Variants in FAM83F observed in about 807,000 individuals in gnomAD.
The protein encoded by FAM83F is protein FAM83F.
A neutral mutation model predicts 42.9 loss-of-function variants in FAM83F; 45 were observed. The observed-to-expected ratio is 1.05, with a 90% confidence interval of 0.83 to 1.35. FAM83F has a LOEUF of 1.35. FAM83F is among the 40% of genes most tolerant of loss of function. The pLI is 0.00. For synonymous variants in FAM83F, 306 were observed against 298.3 expected (o/e 1.03, Z -0.27); for missense variants, 617 against 695.9 (o/e 0.89, Z 1.28).
chr22:40,005,736 G>A (rs572704401), intron 1 of FAM83F, among the ~76,000 whole-genome samples: 25 of 152,364 alleles, frequency 1.6e-4, no homozygotes, highest in African/African-American at 5.1e-4. Context: ...CCACACTGAG[G>A]TAGAGGGCTC....
At chr22:40,024,956 C>T (rs1046517420) in intron 4 of FAM83F, among the ~76,000 whole-genome samples, 14 of 152,146 alleles carry the variant, frequency 9.2e-5, no homozygotes, top group African/African-American at 3.4e-4. Context: ...TCAAGGCTCA[C>T]GGCGCACTCT....
At chr22:40,010,355 T>A (rs1345461734) in intron 1 of FAM83F, among the ~76,000 whole-genome samples, 1 of 152,190 alleles carries the variant, frequency 6.6e-6, no homozygotes, top group Non-Finnish European at 1.5e-5. Flanking sequence ...CGGAGCTGAA[T>A]GTCAAAGCAG....
chr22:40,014,104 C>G lies in FAM83F; in HGVS notation c.490-5064C>G, dbSNP rs1399892925. 2.1e-5 allele frequency among the ~76,000 whole-genome samples: 3 copies of G among 141,940 alleles called. No individual in the cohort carries two copies. The East Asian group carries it at 5.9e-4, about 28-fold the overall frequency. 93.1% of individuals were successfully genotyped at this position (141,940 alleles called of 152,430 possible). ...TTAAATACTGGTAGTTTTGTCTTCTCTAATCCTTATGTCTCTTATTTCTTT... is the reference window on the plus strand; with the variant it reads ...TTAAATACTGGTAGTTTTGTCTTCTGTAATCCTTATGTCTCTTATTTCTTT... On this transcript the variant is annotated intron_variant, in intron 1 of 4. Transcript: ENST00000333407.
chr22:40,019,609 C>A (rs1303900446), intron 2 of FAM83F, among the ~76,000 whole-genome samples: 1 of 152,202 alleles, frequency 6.6e-6, no homozygotes, highest in Admixed American at 6.5e-5. Flanking sequence ...TGCAGAATCA[C>A]TGATGTCAAA....
intron 1 of FAM83F, among the ~76,000 whole-genome samples, chr22:40,002,275 T>C (rs920822004): frequency 6.6e-6 from 1 of 152,220 alleles, no homozygotes; most frequent in African/African-American, 2.4e-5. Context: ...CTTTTAGTTC[T>C]GGAGAACTAA....
chr22:39,997,126 A>G (rs2067376374), intron 1 of FAM83F, among the ~76,000 whole-genome samples: 1 of 152,230 alleles, frequency 6.6e-6, no homozygotes, highest in African/African-American at 2.4e-5. Flanking sequence ...GAGTTTCCAT[A>G]GCTAGTAAGT....
At chr22:39,997,845 G>T (rs1375358265) in intron 1 of FAM83F, 1 of 152,260 alleles carries the variant, frequency 6.6e-6, no homozygotes, top group East Asian at 1.9e-4. Context: ...GCCCACCCAA[G>T]TATCAGGACC....
Position 40,021,879 on chromosome 22 carries a change from G to T in FAM83F, c.1369G>T (p.Ala457Ser). The change falls in exon 4 of 5, where the codon GCC becomes TCC. Residue 457 changes from alanine to serine, a missense_variant. By Grantham distance (99) the Ala-to-Ser change is moderately conservative. Transcript: ENST00000333407. This position sits in a 1 kb window ranked among gnomAD's most constrained non-coding sequence, Gnocchi z 8.7. ...AKRPAAPNGM[A>S]SSVSTETSEV... The stretch of plus-strand genomic sequence containing the variant: ...GAGGCCTGCGGCGCCCAATGGCATG[G>T]CCAGCTCTGTCTCCACCGAGACCTC... The T allele has an allele frequency of 6.2e-7, 1 of 1,609,588 alleles. No individual in the cohort carries two copies. Among genetic ancestry groups the T allele is most frequent in the Non-Finnish European group, 8.5e-7 (1 of 1,178,254 alleles).
intron 4 of FAM83F, among the ~76,000 whole-genome samples, chr22:40,025,193 G>A (rs1290933290): frequency 1.3e-5 from 2 of 152,154 alleles, no homozygotes; most frequent in African/African-American, 4.8e-5. Context: ...GCTGAGCTGG[G>A]AAGATCCCTT....
At position 40,041,968 on chromosome 22, in the gene FAM83F, C is replaced by T. The variant is rs2067652805; in HGVS notation, c.*12403C>T. ...TGAACTCCCAGGCTCAAGCAATCCT[C>T]CCACCTCAGCATCCCAAGTAGCTGG... On this transcript the variant is annotated 3_prime_UTR_variant, in exon 5 of 5. Coordinates refer to ENST00000333407, the MANE Select transcript of FAM83F (RefSeq NM_138435.4). 6.6e-6 allele frequency: 1 copy of T among 152,004 alleles called. No homozygotes were observed. Among genetic ancestry groups the T allele is most frequent in the Non-Finnish European group, 1.5e-5 (1 of 68,020 alleles). The allele number at this position is 152,004 out of a possible 1,614,324, so 9.4% of individuals were successfully genotyped here.
At position 39,995,308 on chromosome 22, in the gene FAM83F, C is replaced by G; in HGVS notation, c.266C>G (p.Ala89Gly). 1 of 1,537,558 alleles carries G rather than the reference C, an allele frequency of 6.5e-7. No individual in the cohort carries two copies. The highest frequency in any genetic ancestry group is 1.4e-5 in the African/African-American group (1 of 73,076). The change falls in exon 1 of 5, where the codon GCC (alanine) becomes GGC (glycine). Residue 89 changes from alanine (A) to glycine (G), a missense_variant. Physicochemically the swap from Ala to Gly is moderately conservative, Grantham distance 60. Transcript: ENST00000333407. This position sits in a 1 kb window ranked among gnomAD's most constrained non-coding sequence, Gnocchi z 4.6. ...GCCAACGCCCGGGGCAAGAGCAAGG[C>G]CAAGGCCAAGGCCCCCGCGCCGGCG... Reference protein sequence around the residue: ...PAANARGKSKAKAKAPAPAPA... With the variant: ...PAANARGKSKGKAKAPAPAPA...
intron 1 of FAM83F, chr22:40,010,046 G>T (rs1055741246): frequency 6.6e-6 from 1 of 152,160 alleles, no homozygotes; most frequent in African/African-American, 2.4e-5. Context: ...CTGCCAATGC[G>T]CCTGCGACAG....
At chr22:39,996,297 C>T (rs1169929249) in intron 1 of FAM83F, among the ~76,000 whole-genome samples, 2 of 152,148 alleles carry the variant, frequency 1.3e-5, no homozygotes, top group Admixed American at 6.5e-5. Context: ...AGACTTTAAT[C>T]TTTATGCCTT....
Position 40,029,710 on chromosome 22 carries a change from A to ACG in FAM83F, c.*147_*148dup. 8.3e-7 allele frequency: 1 copy of ACG among 1,198,938 alleles called. No homozygotes were observed. 74.3% of individuals were successfully genotyped at this position (1,198,938 alleles called of 1,614,324 possible). A position where few individuals can be genotyped will look rare whatever the true frequency, so the allele number is the denominator to read the frequency against. ...TGCAGCCTCCGTCCTGGCCTCAGGG[A>ACG]CGCTGGATCCCAAATGAGAGGGTCC... On this transcript the variant is annotated 3_prime_UTR_variant, in exon 5 of 5. Coordinates refer to ENST00000333407, the MANE Select transcript of FAM83F (RefSeq NM_138435.4).
chr22:40,008,151 G>A (rs9623107), intron 1 of FAM83F, among the ~76,000 whole-genome samples: 1,679 of 152,342 alleles, frequency 0.011, 26 homozygotes, highest in African/African-American at 0.039. Flanking sequence ...CTTTCTGGAA[G>A]TGTCGTGTTC....
In FAM83F at chr22:40,021,290, G is replaced by A. The variant is rs1238046754; in HGVS notation, c.780G>A (p.Arg260=). The A allele has an allele frequency of 6.5e-7, 1 of 1,536,530 alleles. No homozygotes were observed. The highest frequency in any genetic ancestry group is 2.0e-5 in the Admixed American group (1 of 50,420). Residue 260 remains arginine, a splice_region_variant and synonymous_variant, in exon 4 of 5, where the codon AGG becomes AGA. Coordinates refer to ENST00000333407, the MANE Select transcript of FAM83F (RefSeq NM_138435.4). The surrounding 1 kb of genome is among the most constrained non-coding windows in gnomAD (Gnocchi z 8.7). The part of the protein sequence containing the change: ...DGDKVATGSY[R]FTWSSSHVDR... ...TGCTTTTCTGTCCCCACGTTCCCAGGTTCACCTGGAGTTCCTCCCATGTGG... is the reference window on the plus strand; with the variant it reads ...TGCTTTTCTGTCCCCACGTTCCCAGATTCACCTGGAGTTCCTCCCATGTGG...
chr22:40,008,247 C>T lies in FAM83F; in HGVS notation c.490-10921C>T, dbSNP rs559484471. On this transcript the variant is annotated intron_variant, in intron 1 of 4. Coordinates refer to ENST00000333407, the MANE Select transcript of FAM83F (RefSeq NM_138435.4). The stretch of plus-strand genomic sequence containing the variant: ...GACATCCCCACCTTGATGTCTGTGC[C>T]GCGGGAGGCGCGGGCTGCCTGGCTC... Among the ~76,000 whole-genome samples the T allele has an allele frequency of 3.3e-4, 51 of 152,362 alleles. No homozygotes were observed. In the South Asian group the frequency reaches 6.6e-3, roughly 20 times the overall value.
rs2067370635 is a variant in FAM83F at position 39,995,608 on chromosome 22, G to A, written c.489+77G>A. The A allele has an allele frequency of 9.0e-6, 13 of 1,446,222 alleles. No individual in the cohort carries two copies. The highest frequency in any genetic ancestry group is 1.1e-5 in the Non-Finnish European group (12 of 1,099,520). 89.6% of individuals were successfully genotyped at this position (1,446,222 alleles called of 1,614,324 possible). A position where few individuals can be genotyped will look rare whatever the true frequency, so the allele number is the denominator to read the frequency against. ...TGGACCGGGCCCCACCTCCCAGGCA[G>A]GGCCCGGGGCAGGCCGCCCTGAGCA... is the stretch of plus-strand genomic sequence containing the variant. On this transcript the variant is annotated intron_variant, in intron 1 of 4. Transcript: ENST00000333407. The surrounding 1 kb of genome is among the most constrained non-coding windows in gnomAD (Gnocchi z 4.6).
intron 1 of FAM83F, among the ~76,000 whole-genome samples, chr22:40,008,455 C>T (rs1215673870): frequency 6.6e-6 from 1 of 152,178 alleles, no homozygotes; most frequent in Non-Finnish European, 1.5e-5. Context: ...CTCAGAACAG[C>T]CCTGTAAAGG....
Sources: allele counts gnomAD v4.1 joint callset (sites outside exome capture counted in the v4.1 genomes callset), GRCh38; gene constraint gnomAD v4.1.1; non-coding constraint Gnocchi (gnomAD v3.1); transcripts MANE v1.5; gene names NCBI Gene and HGNC (gene_info 2026-07-23, HGNC 2026-07-21).